The following PLXNA4 variants were observed in gnomAD, a reference collection of about 807,000 sequenced individuals.
PLXNA4 encodes plexin-A4.
A neutral mutation model predicts 191.8 loss-of-function variants in PLXNA4; 44 were observed. The observed-to-expected ratio is 0.23, with a 90% CI of 0.18 to 0.29. The LOEUF is 0.29. Among genes scored for constraint, PLXNA4 ranks in the 10% least tolerant of loss-of-function variants. The pLI, the probability that PLXNA4 is intolerant of heterozygous loss-of-function variation, is 1.00. For synonymous variants in PLXNA4, 1,082 were observed against 1,009.5 expected (o/e 1.07, Z -1.36); for missense variants, 1,800 against 2,488.8 (o/e 0.72, Z 5.89).
chr7:132,622,992 G>A lies in PLXNA4; in HGVS notation c.-87+22936C>T, dbSNP rs929689593. 6.6e-5 allele frequency among the ~76,000 whole-genome samples: 10 copies of A among 152,210 alleles called. 1 individual carries two copies. Among genetic ancestry groups the A allele is most frequent in the Admixed American group, 3.9e-4 (6 of 15,276 alleles). ...GTGCAGGCTATTGTTCCATAGCTGC[G>A]AAAGGAAACCAACCCACCCCTCCAG... On this transcript the variant is annotated intron_variant, in intron 2 of 4. Transcript: ENST00000378539.
At chr7:132,391,079 T>A (rs1419035715) in intron 3 of PLXNA4, among the ~76,000 whole-genome samples, 1 of 152,182 alleles carries the variant, frequency 6.6e-6, no homozygotes, top group Non-Finnish European at 1.5e-5. Context: ...GGAATCTAGT[T>A]TCTGCTTCCC....
intron 10 of PLXNA4, among the ~76,000 whole-genome samples, chr7:132,210,576 C>T (rs1279987659): frequency 6.6e-6 from 1 of 152,198 alleles, no homozygotes; most frequent in Non-Finnish European, 1.5e-5. Context: ...GGGCGCAGGG[C>T]TTTCAGAGCT....
chr7:132,595,700 T>C (rs1449074636), intron 2 of PLXNA4, among the ~76,000 whole-genome samples: 5 of 152,180 alleles, frequency 3.3e-5, no homozygotes, highest in African/African-American at 1.2e-4. Flanking sequence ...GAAGATCAGA[T>C]AGAAGTTACA....
intron 3 of PLXNA4, among the ~76,000 whole-genome samples, chr7:132,406,202 A>G (rs533858209): frequency 4.3e-4 from 65 of 152,312 alleles, no homozygotes; most frequent in African/African-American, 1.5e-3. Flanking sequence ...CCAATGACTA[A>G]TTCTCAGCCC....
intron 1 of PLXNA4, among the ~76,000 whole-genome samples, chr7:132,562,173 T>TCTCCTTCTCCTCCTCCTCC (rs1801192482): frequency 6.6e-5 from 3 of 45,606 alleles, no homozygotes; most frequent in Admixed American, 2.1e-4. Context: ...CCTCCTCCTC[T>TCTCCTTCTCCTCCTCCTCC]TTCTCCTCCT....
rs1222421506 is a variant in PLXNA4 at position 132,444,252 on chromosome 7, ACTCTT to A, written c.1371+45035_1371+45039del. 2.0e-5 allele frequency among the ~76,000 whole-genome samples: 3 copies of A among 151,912 alleles called. No individual in the cohort carries two copies. In the East Asian group the frequency reaches 5.8e-4, roughly 29 times the overall value. On this transcript the variant is annotated intron_variant, in intron 3 of 31. Coordinates refer to ENST00000321063, the MANE Select transcript of PLXNA4 (RefSeq NM_020911.2). ...GCTCAGGTGTTGTTGTCAGAAAGTAACTCTTCTCTTTCTTTTTTTGAGAAGAAGTC... is the reference window on the plus strand; with the variant it reads ...GCTCAGGTGTTGTTGTCAGAAAGTAACTCTTTCTTTTTTTGAGAAGAAGTC...
intron 3 of PLXNA4, among the ~76,000 whole-genome samples, chr7:132,405,640 C>T (rs988328535): frequency 1.3e-5 from 2 of 152,200 alleles, no homozygotes; most frequent in African/African-American, 2.4e-5. Context: ...TGAGTGGATG[C>T]CCCACAGGTC....
rs532427522 is a variant in PLXNA4 at position 132,369,534 on chromosome 7, A to G, written c.1372-71312T>C. Among the ~76,000 whole-genome samples the G allele has an allele frequency of 5.9e-5, 9 of 152,238 alleles. 1 individual carries two copies. The South Asian group carries it at 1.9e-3, about 32-fold the overall frequency. ...AAGCCAGGGGGGCTGTGTGGAAAGA[A>G]TGGAAGAGCCCCCAGTGGGCATAAC... On this transcript the variant is annotated intron_variant, in intron 3 of 31. Coordinates refer to ENST00000321063, the MANE Select transcript of PLXNA4 (RefSeq NM_020911.2).
chr7:132,437,094 G>A (rs1425683175), intron 3 of PLXNA4, among the ~76,000 whole-genome samples: 1 of 152,150 alleles, frequency 6.6e-6, no homozygotes, highest in Non-Finnish European at 1.5e-5. Flanking sequence ...GCATGCCCAG[G>A]GAGCAGCCTT....
intron 9 of PLXNA4, among the ~76,000 whole-genome samples, chr7:132,216,054 A>G (rs1797953159): frequency 6.6e-6 from 1 of 152,328 alleles, no homozygotes; most frequent in South Asian, 2.1e-4. Flanking sequence ...TGGCATCTGA[A>G]GTGGAGACAG....
At chr7:132,141,407 G>A (rs1795265096) in intron 29 of PLXNA4, among the ~76,000 whole-genome samples, 1 of 152,138 alleles carries the variant, frequency 6.6e-6, no homozygotes, top group Non-Finnish European at 1.5e-5. Flanking sequence ...CCCACCTCAT[G>A]GGCCCCATCG....
At chr7:132,573,078 G>C (rs1802052575) in intron 1 of PLXNA4, among the ~76,000 whole-genome samples, 2 of 151,604 alleles carry the variant, frequency 1.3e-5, no homozygotes, top group Non-Finnish European at 2.9e-5. Context: ...ATTAGCAAGT[G>C]GTGGGGGCAG....
intron 4 of PLXNA4, among the ~76,000 whole-genome samples, chr7:132,258,127 G>T (rs974087595): frequency 3.9e-5 from 6 of 152,252 alleles, no homozygotes; most frequent in African/African-American, 1.4e-4. Context: ...CTCATGTCGG[G>T]TCACTGAGAC....
At chr7:132,151,122 C>T (rs999056857) in intron 25 of PLXNA4, among the ~76,000 whole-genome samples, 3 of 151,840 alleles carry the variant, frequency 2.0e-5, no homozygotes, top group South Asian at 2.1e-4. Context: ...TTGTTATGTC[C>T]TAGACAGAAA....
intron 30 of PLXNA4, among the ~76,000 whole-genome samples, 178 bp from the exon 31 acceptor site, chr7:132,133,377 C>G (rs1795024853): frequency 6.6e-6 from 1 of 152,086 alleles, no homozygotes; most frequent in South Asian, 2.1e-4. Context: ...GTTGCTGGGT[C>G]CGAACCAGGA....
intron 3 of PLXNA4, among the ~76,000 whole-genome samples, chr7:132,373,687 A>G (rs888357247): frequency 1.3e-5 from 2 of 152,184 alleles, no homozygotes; most frequent in African/African-American, 4.8e-5. Flanking sequence ...TGGTTTGGCT[A>G]CTAATTTTTG....
chr7:132,597,036 C>T (rs1802723555), intron 2 of PLXNA4, among the ~76,000 whole-genome samples: 1 of 152,166 alleles, frequency 6.6e-6, no homozygotes, highest in Non-Finnish European at 1.5e-5. Flanking sequence ...GCATAGTCTG[C>T]TAAAGTCAGC....
intron 4 of PLXNA4, among the ~76,000 whole-genome samples, chr7:132,272,299 C>G (rs752790694): frequency 6.6e-6 from 1 of 152,260 alleles, no homozygotes; most frequent in African/African-American, 2.4e-5. Context: ...TTTGATGGAG[C>G]TATTCAAATC....
chr7:132,552,049 G>A (rs868696232), intron 1 of PLXNA4, among the ~76,000 whole-genome samples: 2 of 152,218 alleles, frequency 1.3e-5, no homozygotes, highest in South Asian at 4.1e-4. Flanking sequence ...GGAGGGACAT[G>A]TAAAATCAAT....
Sources: allele counts gnomAD v4.1 joint callset (sites outside exome capture counted in the v4.1 genomes callset), GRCh38; gene constraint gnomAD v4.1.1; transcripts MANE v1.5; gene names NCBI Gene and HGNC (gene_info 2026-07-23, HGNC 2026-07-21).